MAGI1: variants seen among roughly 807,000 people sequenced by gnomAD.
MAGI1 encodes the protein membrane-associated guanylate kinase, WW and PDZ domain-containing protein 1.
In MAGI1, 58 loss-of-function variants were observed where a neutral mutation model predicts 139.9. That is an observed-to-expected ratio of 0.41 (90% CI 0.34 to 0.52). MAGI1 has a LOEUF of 0.52. Ranked by LOEUF, MAGI1 falls within the 20% of genes least tolerant of loss-of-function variation. MAGI1 has a pLI of 0.12. For missense variants in MAGI1, 1,874 were observed against 1,901.6 expected (o/e 0.99, Z 0.27); for synonymous variants, 812 against 737.9 (o/e 1.10, Z -1.63).
intron 2 of MAGI1, among the ~76,000 whole-genome samples, chr3:65,522,808 T>C (rs1014583201): frequency 6.6e-6 from 1 of 152,150 alleles, no homozygotes; most frequent in Non-Finnish European, 1.5e-5. Flanking sequence ...CTTAGTTTGA[T>C]TGTCTGCACT....
intron 1 of MAGI1, among the ~76,000 whole-genome samples, chr3:65,730,669 C>T (rs1302801046): frequency 6.6e-6 from 1 of 152,134 alleles, no homozygotes; most frequent in Admixed American, 6.5e-5. Flanking sequence ...AATCAGGGGT[C>T]AGTTAGCGGG....
At chr3:65,890,328 G>A (rs1201863782) in intron 1 of MAGI1, among the ~76,000 whole-genome samples, 2 of 152,180 alleles carry the variant, frequency 1.3e-5, no homozygotes, top group Non-Finnish European at 2.9e-5. Context: ...TAGCGCCACT[G>A]CACTTCAGCC....
rs79902968 is a variant in MAGI1, at chr3:65,841,648, G to T, written c.313+196348C>A. Among the ~76,000 whole-genome samples, 623 of 152,058 alleles carry T rather than the reference G, an allele frequency of 4.1e-3. 7 individuals carry two copies. The highest frequency in any genetic ancestry group is 0.032 in the Admixed American group (485 of 15,262). On this transcript the variant is annotated intron_variant, in intron 1 of 22. Coordinates refer to ENST00000402939, the MANE Select transcript of MAGI1 (RefSeq NM_001033057.2). ...TCACCATGTTCGCTAGGCTGATCTTGAACTCCTGACCTCATGATCCACCTG... is the reference window on the plus strand; with the variant it reads ...TCACCATGTTCGCTAGGCTGATCTTTAACTCCTGACCTCATGATCCACCTG...
intron 1 of MAGI1, among the ~76,000 whole-genome samples, chr3:65,631,132 C>CA (rs2084277612): frequency 6.6e-6 from 1 of 152,096 alleles, no homozygotes; most frequent in Non-Finnish European, 1.5e-5. Flanking sequence ...AAGGGAGTGT[C>CA]TAGGAAGAAG....
chr3:65,804,007 C>A (rs1234167068), intron 1 of MAGI1, among the ~76,000 whole-genome samples: 1 of 152,138 alleles, frequency 6.6e-6, no homozygotes, highest in East Asian at 1.9e-4. Context: ...GATAGATTAA[C>A]AAGAACCTAG....
chr3:65,426,276 A>G (rs143215124), intron 12 of MAGI1, among the ~76,000 whole-genome samples: 28 of 152,342 alleles, frequency 1.8e-4, no homozygotes, highest in African/African-American at 6.5e-4. Context: ...ACATTTACAA[A>G]TGATATTTCA....
chr3:66,026,854 G>GTTGTACTC (rs201429619), intron 1 of MAGI1, among the ~76,000 whole-genome samples: 1 of 151,718 alleles, frequency 6.6e-6, no homozygotes, highest in African/African-American at 2.4e-5. Flanking sequence ...CACCAAGCAT[G>GTTGTACTC]TCTCTCTGGC....
intron 5 of MAGI1, among the ~76,000 whole-genome samples, chr3:65,461,455 T>A (rs1050376324): frequency 1.3e-5 from 2 of 148,174 alleles, no homozygotes; most frequent in African/African-American, 5.0e-5. Context: ...GACCTCATGA[T>A]CCGCCCATCT....
At chr3:65,401,327 C>T (rs1189963260) in intron 13 of MAGI1, 112 bp downstream of exon 13, 2 of 1,332,136 alleles carry the variant, frequency 1.5e-6, no homozygotes. Context: ...TCTCCCCCAT[C>T]CACTGTAAAA....
intron 2 of MAGI1, among the ~76,000 whole-genome samples, chr3:65,567,024 G>A (rs2080693739): frequency 6.9e-6 from 1 of 144,090 alleles, no homozygotes; most frequent in African/African-American, 2.6e-5. Flanking sequence ...CACAGGGAGG[G>A]AGCTGACTTG....
intron 2 of MAGI1, among the ~76,000 whole-genome samples, chr3:65,550,728 G>A (rs528436737): frequency 2.6e-5 from 4 of 152,054 alleles, no homozygotes; most frequent in African/African-American, 9.6e-5. Context: ...AATTTGGGAG[G>A]CCAAGACAGG....
chr3:65,759,972 C>A (rs1300348454), intron 1 of MAGI1, among the ~76,000 whole-genome samples: 1 of 152,176 alleles, frequency 6.6e-6, no homozygotes, highest in Non-Finnish European at 1.5e-5. Context: ...TTCTAACCTT[C>A]ACTTTCCTGA....
chr3:65,861,653 G>T (rs574840040), intron 1 of MAGI1, among the ~76,000 whole-genome samples: 61 of 152,268 alleles, frequency 4.0e-4, no homozygotes, highest in African/African-American at 1.4e-3. Context: ...AAAAGTTTCA[G>T]AGTGAGGAGC....
intron 1 of MAGI1, among the ~76,000 whole-genome samples, chr3:65,921,292 T>G (rs2062169929): frequency 6.6e-6 from 1 of 151,406 alleles, no homozygotes; most frequent in Non-Finnish European, 1.5e-5. Flanking sequence ...CAATCTGTAT[T>G]TTAGCAATGA....
At chr3:65,956,108 C>T (rs2064114546) in intron 1 of MAGI1, among the ~76,000 whole-genome samples, 1 of 152,058 alleles carries the variant, frequency 6.6e-6, no homozygotes, top group South Asian at 2.1e-4. Flanking sequence ...CGACTTTTGA[C>T]GTCTAATGCT....
At chr3:65,832,889 A>C (rs1244937717) in intron 1 of MAGI1, among the ~76,000 whole-genome samples, 4 of 152,102 alleles carry the variant, frequency 2.6e-5, no homozygotes, top group African/African-American at 7.2e-5. Context: ...CTTGAATCCT[A>C]CTCACTGCTT....
intron 2 of MAGI1, among the ~76,000 whole-genome samples, chr3:65,568,066 G>T (rs898207076): frequency 6.6e-6 from 1 of 152,064 alleles, no homozygotes; most frequent in Non-Finnish European, 1.5e-5. Flanking sequence ...CAGTCCTAAG[G>T]GAATCTATTT....
At chr3:65,880,197 G>A (rs916681378) in intron 1 of MAGI1, among the ~76,000 whole-genome samples, 4 of 151,982 alleles carry the variant, frequency 2.6e-5, no homozygotes, top group African/African-American at 9.7e-5. Flanking sequence ...AGCTGAGATT[G>A]CACCACTGCA....
At chr3:65,581,627 T>C (rs2081428676) in intron 2 of MAGI1, among the ~76,000 whole-genome samples, 1 of 152,140 alleles carries the variant, frequency 6.6e-6, no homozygotes, top group South Asian at 2.1e-4. Context: ...TCCCCTGCCA[T>C]TTGTGAAGTT....
Sources: gnomAD v4.1 joint callset for allele counts (sites outside exome capture counted in the v4.1 genomes callset) on GRCh38, gnomAD v4.1.1 for gene constraint, MANE v1.5 for transcripts, NCBI Gene and HGNC (gene_info 2026-07-23, HGNC 2026-07-21) for gene names.